MAPKAP1: variants seen among roughly 807,000 people sequenced by gnomAD.
The protein encoded by MAPKAP1 is target of rapamycin complex 2 subunit MAPKAP1.
A neutral mutation model predicts 65.7 loss-of-function variants in MAPKAP1; 20 were observed. That is an observed-to-expected ratio of 0.30 (90% CI 0.21 to 0.44). MAPKAP1 has a LOEUF of 0.44. MAPKAP1 is among the 20% of genes least tolerant of loss of function. MAPKAP1 has a pLI of 1.00. For missense variants in MAPKAP1, 423 were observed against 648.0 expected, an observed-to-expected ratio of 0.65 and a Z score of 3.77; for synonymous variants, 222 against 244.3, an observed-to-expected ratio of 0.91 and a Z score of 0.85.
At chr9:125,677,583 C>A (rs959029358) in intron 1 of MAPKAP1, among the ~76,000 whole-genome samples, 2 of 152,028 alleles carry the variant, frequency 1.3e-5, no homozygotes, top group African/African-American at 4.8e-5. Flanking sequence ...ATAGTGTCAG[C>A]TACTCGGGAG....
chr9:125,589,040 C>T (rs964300186), intron 4 of MAPKAP1, among the ~76,000 whole-genome samples: 2 of 152,190 alleles, frequency 1.3e-5, no homozygotes, highest in East Asian at 1.9e-4. Context: ...GCTTTGCATG[C>T]GTGACTCCTC....
intron 3 of MAPKAP1, among the ~76,000 whole-genome samples, chr9:125,669,179 CAA>C (rs1187824182): frequency 9.7e-5 from 10 of 103,108 alleles, no homozygotes; most frequent in Admixed American, 2.1e-4. Flanking sequence ...GACTCCGTCT[CAA>C]AAAAAAAAAA....
intron 9 of MAPKAP1, among the ~76,000 whole-genome samples, chr9:125,478,451 C>G (rs1854188625): frequency 6.6e-6 from 1 of 152,130 alleles, no homozygotes; most frequent in African/African-American, 2.4e-5. Flanking sequence ...CCTCAGCCTC[C>G]TAAGTAGCTA....
At chr9:125,563,349 C>A (rs1327202587) in intron 5 of MAPKAP1, among the ~76,000 whole-genome samples, 1 of 152,202 alleles carries the variant, frequency 6.6e-6, no homozygotes, top group Non-Finnish European at 1.5e-5. Context: ...TTTGCAGACA[C>A]AACTGGTTTT....
rs541294398 is a variant in MAPKAP1, at chr9:125,707,131, G to A, written c.-230C>T. On this transcript the variant is annotated 5_prime_UTR_variant, in exon 1 of 12. Coordinates refer to ENST00000265960, the MANE Select transcript of MAPKAP1 (RefSeq NM_001006617.3). ...CGGCCCGCTCAGCTGCCGCTTCCCGGGTTAGCCCTCATGCCCCTGCTGCTC... is the reference window on the plus strand; with the variant it reads ...CGGCCCGCTCAGCTGCCGCTTCCCGAGTTAGCCCTCATGCCCCTGCTGCTC... 13 of 398,354 alleles carry A rather than the reference G, an allele frequency of 3.3e-5. No individual in the cohort carries two copies. Among genetic ancestry groups the A allele is most frequent in the African/African-American group, 2.7e-4 (13 of 48,742 alleles). 24.7% of individuals were successfully genotyped at this position (398,354 alleles called of 1,614,324 possible).
intron 5 of MAPKAP1, among the ~76,000 whole-genome samples, chr9:125,576,506 A>C (rs1224833223): frequency 1.3e-5 from 2 of 150,166 alleles, no homozygotes; most frequent in East Asian, 1.9e-4. Flanking sequence ...CCCTCTCCCC[A>C]CGGTCTCCCT....
chr9:125,527,946 C>G (rs1285614556), intron 7 of MAPKAP1, among the ~76,000 whole-genome samples: 1 of 152,224 alleles, frequency 6.6e-6, no homozygotes, highest in Non-Finnish European at 1.5e-5. Flanking sequence ...GAATCCACTC[C>G]TAAACACAAA....
chr9:125,706,853 G>A (rs1446439876), intron 1 of MAPKAP1, 118 bp downstream of exon 1: 3 of 348,924 alleles, frequency 8.6e-6, no homozygotes, highest in Non-Finnish European at 1.5e-5. Context: ...ACCTGAACAA[G>A]GGCCCGGCAG....
intron 1 of MAPKAP1, among the ~76,000 whole-genome samples, chr9:125,700,929 A>G (rs1412734522): frequency 1.3e-5 from 2 of 152,212 alleles, no homozygotes. Context: ...ACATATAGTC[A>G]ATAGGCACTG....
rs763443945 is a variant in MAPKAP1, at chr9:125,468,043, A to C, written c.1274T>G (p.Ile425Ser). The C allele has an allele frequency of 6.2e-7, 1 of 1,614,248 alleles. No individual in the cohort carries two copies. Among genetic ancestry groups the C allele is most frequent in the Non-Finnish European group, 8.5e-7 (1 of 1,180,034 alleles). The stretch of plus-strand genomic sequence containing the variant: ...ATCGATTGAGATGGGTTTCTGCTTA[A>C]TCCAAAACTTAGTGCTGGCTTTCTG... ...TNQKASTKFWIKQKPISIDSD... is the reference protein window; with the variant it reads ...TNQKASTKFWSKQKPISIDSD... The change falls in exon 10 of 12, where the codon ATT becomes AGT. Residue 425 changes from isoleucine (I) to serine (S), a missense_variant. By Grantham distance (142) the Ile-to-Ser change is moderately radical. This residue lies in a region of MAPKAP1 where 185 missense variants were observed against 268.1 expected (regional missense o/e 0.69). Transcript: ENST00000265960.
intron 6 of MAPKAP1, among the ~76,000 whole-genome samples, chr9:125,543,658 G>C (rs1830327319): frequency 6.6e-6 from 1 of 152,112 alleles, no homozygotes; most frequent in African/African-American, 2.4e-5. Context: ...TTCAAATGGT[G>C]GGTGGCGGGG....
intron 9 of MAPKAP1, among the ~76,000 whole-genome samples, chr9:125,480,975 GAAAAAAAAA>G (rs536367888): frequency 5.5e-5 from 6 of 108,684 alleles, no homozygotes; most frequent in African/African-American, 1.0e-4. Flanking sequence ...CCGTTTCGGG[GAAAAAAAAA>G]AAAAAAAAAA....
At chr9:125,467,309 A>C (rs532684815) in intron 10 of MAPKAP1, among the ~76,000 whole-genome samples, 35 of 152,314 alleles carry the variant, frequency 2.3e-4, no homozygotes, top group South Asian at 8.3e-4. Context: ...AAAAATGATT[A>C]AGTGATTAAT....
At chr9:125,456,826 A>C (rs1034516914) in intron 10 of MAPKAP1, among the ~76,000 whole-genome samples, 4 of 152,164 alleles carry the variant, frequency 2.6e-5, no homozygotes, top group Non-Finnish European at 5.9e-5. Context: ...CCCAAGCCAG[A>C]GGACTCAGTT....
intron 8 of MAPKAP1, among the ~76,000 whole-genome samples, chr9:125,499,272 A>G (rs1000295569): frequency 6.6e-6 from 1 of 152,248 alleles, no homozygotes. Flanking sequence ...AGAAATGAAA[A>G]TAATTCTGCT....
At chr9:125,644,612 A>G (rs1370928269) in intron 4 of MAPKAP1, among the ~76,000 whole-genome samples, 1 of 152,240 alleles carries the variant, frequency 6.6e-6, no homozygotes, top group Non-Finnish European at 1.5e-5. Flanking sequence ...AGTGCTCTTT[A>G]AAGTCATTAC....
intron 1 of MAPKAP1, among the ~76,000 whole-genome samples, chr9:125,689,454 A>C (rs1314696891): frequency 1.4e-5 from 2 of 145,152 alleles, no homozygotes; most frequent in African/African-American, 2.5e-5. Context: ...AAAAAAAAAA[A>C]AAAAAAAACA....
At chr9:125,460,879 T>G (rs531888112) in intron 10 of MAPKAP1, among the ~76,000 whole-genome samples, 5 of 152,196 alleles carry the variant, frequency 3.3e-5, no homozygotes, top group South Asian at 2.1e-4. Flanking sequence ...TAGGCAGAAT[T>G]AGAAAAAGTC....
At chr9:125,450,194 G>A (rs1203087402) in intron 10 of MAPKAP1, among the ~76,000 whole-genome samples, 1 of 152,160 alleles carries the variant, frequency 6.6e-6, no homozygotes, top group Non-Finnish European at 1.5e-5. Context: ...GGTCAGAGCT[G>A]GAGCTGCCAG....
Sources: gnomAD v4.1 joint callset for allele counts (sites outside exome capture counted in the v4.1 genomes callset) on GRCh38, gnomAD v4.1.1 for gene constraint, gnomAD v4.1.1 regional missense constraint, MANE v1.5 for transcripts, NCBI Gene and HGNC (gene_info 2026-07-23, HGNC 2026-07-21) for gene names.